TPX2: variants seen among roughly 807,000 people sequenced by gnomAD.
TPX2 encodes targeting protein for Xklp2.
In TPX2, 21 loss-of-function variants were observed where a neutral mutation model predicts 93.6. The ratio of observed to expected loss-of-function variants is 0.22; its 90% CI spans 0.16 to 0.32. TPX2 has a LOEUF of 0.32. TPX2 is among the 10% of genes least tolerant of loss of function. The pLI, the probability that TPX2 is intolerant of heterozygous loss-of-function variation, is 1.00. For synonymous variants in TPX2, 281 were observed against 298.3 expected (o/e 0.94, Z 0.60); for missense variants, 776 against 871.1 (o/e 0.89, Z 1.37).
chr20:31,767,997 T>A (rs1490672751), intron 5 of TPX2, among the ~76,000 whole-genome samples: 5 of 151,462 alleles, frequency 3.3e-5, no homozygotes, highest in Non-Finnish European at 7.4e-5. Flanking sequence ...AATGGCATGA[T>A]CTTGGCTCAC....
At position 31,793,978 on chromosome 20, in the gene TPX2, G is replaced by T; in HGVS notation, c.1640G>T (p.Arg547Leu). ...PFSFDSRDKE[R>L]QLQKEKKIKE... ...TCGTTTGATTCTCGAGACAAAGAAC[G>T]TCAGTTACAGAAGGAGAAGAAAATA... The change falls in exon 14 of 18, where the codon CGT becomes CTT. Residue 547 changes from arginine (R) to leucine (L), a missense_variant. Physicochemically the swap from Arg to Leu is moderately radical, Grantham distance 102. Transcript: ENST00000300403. 6.2e-7 allele frequency: 1 copy of T among 1,613,406 alleles called. No individual in the cohort carries two copies. Among genetic ancestry groups the T allele is most frequent in the Non-Finnish European group, 8.5e-7 (1 of 1,179,770 alleles).
chr20:31,766,795 CTTTTTTT>C (rs11299452), intron 5 of TPX2, 113 bp downstream of exon 5: 63 of 450,820 alleles, frequency 1.4e-4, no homozygotes, highest in Admixed American at 4.1e-4. Context: ...CTTTATGTTA[CTTTTTTT>C]TTTTTTTTTT....
intron 10 of TPX2, among the ~76,000 whole-genome samples, chr20:31,780,670 A>AATC: frequency 6.6e-6 from 1 of 152,344 alleles, no homozygotes; most frequent in South Asian, 2.1e-4. Flanking sequence ...TACCACTGTT[A>AATC]TGTGACAAGA....
chr20:31,783,651 A>G (rs6060943), intron 11 of TPX2, 54 bp from the exon 12 acceptor site: 9 of 1,526,306 alleles, frequency 5.9e-6, no homozygotes, highest in Non-Finnish European at 8.0e-6. Context: ...TTGTTTGTGA[A>G]GTTTTCATTT....
chr20:31,767,944 T>G (rs978805733), intron 5 of TPX2, among the ~76,000 whole-genome samples: 2 of 146,176 alleles, frequency 1.4e-5, no homozygotes, highest in Non-Finnish European at 3.0e-5. Context: ...TCTTTTTTTT[T>G]TTTTTGAGAG....
intron 3 of TPX2, 89 bp from the exon 4 acceptor site, chr20:31,759,968 A>G: frequency 2.6e-6 from 4 of 1,550,398 alleles, no homozygotes; most frequent in Non-Finnish European, 3.5e-6. Context: ...GTGTACTGGT[A>G]GGGAGCTTTA....
intron 2 of TPX2, among the ~76,000 whole-genome samples, chr20:31,754,704 T>C (rs910474188): frequency 2.0e-5 from 3 of 152,146 alleles, no homozygotes; most frequent in Non-Finnish European, 4.4e-5. Context: ...TACAGAAATT[T>C]AGCTACAAGG....
At chr20:31,756,855 G>C (rs772035828) in intron 2 of TPX2, among the ~76,000 whole-genome samples, 17 of 152,058 alleles carry the variant, frequency 1.1e-4, no homozygotes, top group Non-Finnish European at 1.8e-4. Flanking sequence ...TTGAACTCCT[G>C]ACCTCAGGTG....
intron 2 of TPX2, among the ~76,000 whole-genome samples, chr20:31,746,346 G>C (rs2061783510): frequency 6.6e-6 from 1 of 152,130 alleles, no homozygotes; most frequent in African/African-American, 2.4e-5. Context: ...AAAAATGTAG[G>C]TGTTTTCTCT....
chr20:31,743,180 A>C (rs1279419951), intron 2 of TPX2, among the ~76,000 whole-genome samples: 2 of 152,094 alleles, frequency 1.3e-5, no homozygotes, highest in East Asian at 1.9e-4. Flanking sequence ...TCATCACTGC[A>C]CTCCAGCCAG....
At chr20:31,794,273 A>G (rs572015642) in intron 14 of TPX2, 129 bp from the exon 15 acceptor site, 4 of 1,294,672 alleles carry the variant, frequency 3.1e-6, no homozygotes, top group South Asian at 3.0e-5. Flanking sequence ...TTTTGAACCC[A>G]TTATTCATTC....
chr20:31,770,303 T>C, intron 5 of TPX2, 40 bp from the exon 6 acceptor site: 1 of 1,370,422 alleles, frequency 7.3e-7, no homozygotes, highest in Non-Finnish European at 9.6e-7. Flanking sequence ...ATCTGTAGTA[T>C]ATATATTTAT....
At chr20:31,766,237 T>A (rs572721618) in intron 4 of TPX2, among the ~76,000 whole-genome samples, 1 of 152,352 alleles carries the variant, frequency 6.6e-6, no homozygotes, top group South Asian at 2.1e-4. Context: ...GTAAGTGATT[T>A]TTTTTCTTCT....
intron 10 of TPX2, 138 bp from the exon 11 acceptor site, chr20:31,782,111 A>C: frequency 8.8e-7 from 1 of 1,134,076 alleles, no homozygotes; most frequent in African/African-American, 1.6e-5. Context: ...GGTTTGACCA[A>C]TGTAAGCTGA....
chr20:31,772,330 A>G (rs960272502), intron 7 of TPX2, among the ~76,000 whole-genome samples: 13 of 151,936 alleles, frequency 8.6e-5, no homozygotes, highest in African/African-American at 2.2e-4. Flanking sequence ...CTACCTGGCT[A>G]ACTTTTACAT....
chr20:31,794,700 G>A, intron 15 of TPX2, 152 bp downstream of exon 15: 1 of 1,012,960 alleles, frequency 9.9e-7, no homozygotes, highest in Non-Finnish European at 1.4e-6. Context: ...TTTCTGTAAA[G>A]GGCCAGATAA....
Position 31,795,279 on chromosome 20 carries a change from G to A in TPX2, c.1833+731G>A, listed in dbSNP as rs185584485. ...CTCCCGAGTAGCTGGGATTACAGGC[G>A]CGTGCCACCACGCCCAGCTAATTTT... On this transcript the variant is annotated intron_variant, in intron 15 of 17. Coordinates refer to ENST00000300403, the MANE Select transcript of TPX2 (RefSeq NM_012112.5). 3.9e-4 allele frequency among the ~76,000 whole-genome samples: 60 copies of A among 152,222 alleles called. No individual in the cohort carries two copies. In the East Asian group the frequency reaches 0.011, roughly 27 times the overall value.
chr20:31,756,857 C>T (rs920756222), intron 2 of TPX2, among the ~76,000 whole-genome samples: 2 of 152,086 alleles, frequency 1.3e-5, no homozygotes, highest in Middle Eastern at 3.2e-3. Context: ...GAACTCCTGA[C>T]CTCAGGTGAT....
At chr20:31,787,815 G>A (rs2062076343) in intron 12 of TPX2, among the ~76,000 whole-genome samples, 1 of 152,192 alleles carries the variant, frequency 6.6e-6, no homozygotes, top group Non-Finnish European at 1.5e-5. Flanking sequence ...GTGAGCCAAG[G>A]GATGACTTTG....
Sources: allele counts gnomAD v4.1 joint callset (sites outside exome capture counted in the v4.1 genomes callset), GRCh38; gene constraint gnomAD v4.1.1; transcripts MANE v1.5; gene names NCBI Gene and HGNC (gene_info 2026-07-23, HGNC 2026-07-21).